Variants in STK39 observed in about 807,000 individuals in gnomAD.
STK39 encodes serine/threonine kinase 39, also known as STE20/SPS1-related proline-alanine-rich protein kinase.
Under a neutral mutation model 77.8 loss-of-function variants are expected in STK39, and 20 were observed. The observed-to-expected ratio is 0.26, with a 90% CI of 0.18 to 0.37. The LOEUF (loss-of-function observed/expected upper bound fraction) is 0.37. Among genes scored for constraint, STK39 ranks in the 10% least tolerant of loss-of-function variants. STK39 has a pLI of 1.00. For missense variants in STK39, 479 were observed against 656.5 expected, an observed-to-expected ratio of 0.73 and a Z score of 2.95; for synonymous variants, 246 against 234.1, an observed-to-expected ratio of 1.05 and a Z score of -0.47.
In STK39 at chr2:168,156,529, G is replaced by A. The variant is rs76998394; in HGVS notation, c.628+5258C>T. Reference sequence around the variant, plus strand: ...GGTCAGATGGAGTGCCTAAGGCCTCGCACCTCCCTAGCCACCGTGAGCTTA... The same window carrying A: ...GGTCAGATGGAGTGCCTAAGGCCTCACACCTCCCTAGCCACCGTGAGCTTA... On this transcript the variant is annotated intron_variant, in intron 5 of 17. Coordinates refer to ENST00000355999, the MANE Select transcript of STK39 (RefSeq NM_013233.3). Among the ~76,000 whole-genome samples, 275 of 152,258 alleles carry A rather than the reference G, an allele frequency of 1.8e-3. 2 individuals are homozygous for A. The East Asian group carries it at 0.024, about 13-fold the overall frequency.
At chr2:168,246,633 C>T (rs73013478) in intron 1 of STK39, among the ~76,000 whole-genome samples, 22,102 of 152,172 alleles carry the variant, frequency 0.15, 1,858 homozygotes, top group African/African-American at 0.24. Flanking sequence ...GCAAGGCGGG[C>T]GTGGAGTGGC....
At chr2:167,979,853 T>C (rs867396617) in intron 16 of STK39, among the ~76,000 whole-genome samples, 3 of 152,230 alleles carry the variant, frequency 2.0e-5, no homozygotes, top group Admixed American at 6.5e-5. Flanking sequence ...AGAAGTGATA[T>C]GACACAGGGA....
At chr2:167,996,669 A>C (rs1683848834) in intron 16 of STK39, among the ~76,000 whole-genome samples, 1 of 152,194 alleles carries the variant, frequency 6.6e-6, no homozygotes, top group African/African-American at 2.4e-5. Context: ...TGTCTTCTTG[A>C]GGCCTATAAG....
intron 10 of STK39, among the ~76,000 whole-genome samples, chr2:168,108,970 C>T (rs922304808): frequency 6.6e-6 from 1 of 152,122 alleles, no homozygotes; most frequent in African/African-American, 2.4e-5. Flanking sequence ...GTCGTAACAA[C>T]TCAATGTGTA....
chr2:168,224,723 G>C (rs551990534), intron 1 of STK39, among the ~76,000 whole-genome samples: 1 of 152,116 alleles, frequency 6.6e-6, no homozygotes, highest in Admixed American at 6.5e-5. Flanking sequence ...TGCTAAAAAG[G>C]CATTTTTAAG....
intron 16 of STK39, among the ~76,000 whole-genome samples, chr2:167,994,466 A>G (rs867746489): frequency 6.6e-6 from 1 of 152,196 alleles, no homozygotes; most frequent in Non-Finnish European, 1.5e-5. Flanking sequence ...CATAAAATCA[A>G]CTCTTTTAAG....
chr2:168,016,960 TAGC>T (rs1407148395), intron 15 of STK39, 80 bp downstream of exon 15: 3 of 1,082,756 alleles, frequency 2.8e-6, no homozygotes, highest in Non-Finnish European at 4.0e-6. Context: ...CAGTTTTAAA[TAGC>T]AGATTATAAC....
intron 1 of STK39, among the ~76,000 whole-genome samples, chr2:168,199,194 G>A (rs1223434561): frequency 1.3e-5 from 2 of 152,186 alleles, no homozygotes; most frequent in Non-Finnish European, 2.9e-5. Flanking sequence ...AACCACTGAG[G>A]TTTGCTCTCA....
intron 1 of STK39, among the ~76,000 whole-genome samples, chr2:168,186,774 A>C (rs986437460): frequency 1.3e-5 from 2 of 152,182 alleles, no homozygotes; most frequent in African/African-American, 4.8e-5. Context: ...GAGGTAAACT[A>C]TATCTACTGT....
chr2:168,001,708 A>G (rs1179278283), intron 16 of STK39, among the ~76,000 whole-genome samples: 1 of 152,232 alleles, frequency 6.6e-6, no homozygotes, highest in African/African-American at 2.4e-5. Flanking sequence ...ATAAGAAATC[A>G]TGAGGCAGTG....
intron 2 of STK39, among the ~76,000 whole-genome samples, chr2:168,168,301 T>G (rs1342169466): frequency 6.6e-6 from 1 of 152,220 alleles, no homozygotes; most frequent in Non-Finnish European, 1.5e-5. Flanking sequence ...AGTTTCATAT[T>G]GATTTCAGTT....
intron 10 of STK39, among the ~76,000 whole-genome samples, chr2:168,084,402 G>C (rs1455819405): frequency 6.6e-6 from 1 of 152,192 alleles, no homozygotes; most frequent in African/African-American, 2.4e-5. Context: ...AAGCACGAGA[G>C]ACCCCGAGTC....
chr2:168,155,087 C>A (rs1314010912), intron 5 of STK39, among the ~76,000 whole-genome samples: 1 of 152,108 alleles, frequency 6.6e-6, no homozygotes, highest in Non-Finnish European at 1.5e-5. Flanking sequence ...CTGCCTCATG[C>A]CCCCCTAGAC....
chr2:168,088,173 G>A (rs187148993), intron 10 of STK39, among the ~76,000 whole-genome samples: 2 of 152,246 alleles, frequency 1.3e-5, no homozygotes, highest in East Asian at 1.9e-4. Flanking sequence ...ATTTCACTAA[G>A]ATATCTGATT....
At chr2:168,183,788 T>C (rs1165552193) in intron 1 of STK39, among the ~76,000 whole-genome samples, 2 of 152,142 alleles carry the variant, frequency 1.3e-5, no homozygotes, top group Non-Finnish European at 2.9e-5. Flanking sequence ...TAGTTTGGCT[T>C]CACTGGCCCT....
At chr2:168,224,214 CA>C (rs919199886) in intron 1 of STK39, among the ~76,000 whole-genome samples, 4 of 149,900 alleles carry the variant, frequency 2.7e-5, no homozygotes, top group African/African-American at 7.4e-5. Flanking sequence ...AAACAAACAA[CA>C]AAAAAAAATC....
chr2:168,156,425 T>C (rs1048827768), intron 5 of STK39, among the ~76,000 whole-genome samples: 1 of 152,178 alleles, frequency 6.6e-6, no homozygotes, highest in Non-Finnish European at 1.5e-5. Context: ...TACAGTCAGA[T>C]CTACACTGCA....
At chr2:168,057,777 C>G (rs867858575) in intron 14 of STK39, among the ~76,000 whole-genome samples, 2 of 152,106 alleles carry the variant, frequency 1.3e-5, no homozygotes, top group African/African-American at 4.8e-5. Context: ...AAAATAGAAA[C>G]AGAAGAAGAC....
At chr2:168,178,777 CCTT>C (rs781080882) in intron 2 of STK39, among the ~76,000 whole-genome samples, 20 of 152,208 alleles carry the variant, frequency 1.3e-4, no homozygotes, top group Non-Finnish European at 2.4e-4. Flanking sequence ...CTGCTTGACT[CCTT>C]CTTCAGCAAA....
Sources: gnomAD v4.1 joint callset for allele counts (sites outside exome capture counted in the v4.1 genomes callset) on GRCh38, gnomAD v4.1.1 for gene constraint, MANE v1.5 for transcripts, NCBI Gene and HGNC (gene_info 2026-07-23, HGNC 2026-07-21) for gene names.